The following KAZN variants were observed in gnomAD, a reference collection of about 807,000 sequenced individuals.
KAZN encodes kazrin.
Under a neutral mutation model 87.4 loss-of-function variants are expected in KAZN, and 40 were observed. The ratio of observed to expected loss-of-function variants is 0.46; its 90% CI spans 0.36 to 0.60. The LOEUF is 0.60. Ranked by LOEUF, KAZN falls within the 20% of genes least tolerant of loss-of-function variation. KAZN has a pLI of 0.00. For missense variants in KAZN, 898 were observed against 1,073.9 expected, an observed-to-expected ratio of 0.84 and a Z score of 2.29; for synonymous variants, 466 against 458.3, an observed-to-expected ratio of 1.02 and a Z score of -0.22.
At chr1:14,726,880 A>G (rs543153908) in intron 1 of KAZN, among the ~76,000 whole-genome samples, 1 of 152,248 alleles carries the variant, frequency 6.6e-6, no homozygotes, top group South Asian at 2.1e-4. Flanking sequence ...GAGAACCTGT[A>G]TTAACTCACT....
chr1:14,141,813 C>A (rs193041781), intron 1 of KAZN, among the ~76,000 whole-genome samples: 1 of 152,302 alleles, frequency 6.6e-6, no homozygotes, highest in East Asian at 1.9e-4. Context: ...GAGGTTACAT[C>A]TGTGCATGGA....
At chr1:14,887,032 A>G (rs902819020) in intron 1 of KAZN, among the ~76,000 whole-genome samples, 4 of 151,996 alleles carry the variant, frequency 2.6e-5, no homozygotes, top group Non-Finnish European at 5.9e-5. Context: ...TACCCCCACG[A>G]GTGTGGTTGT....
chr1:14,622,282 G>A (rs1177299783), intron 1 of KAZN, among the ~76,000 whole-genome samples: 1 of 152,194 alleles, frequency 6.6e-6, no homozygotes, highest in Non-Finnish European at 1.5e-5. Flanking sequence ...TAATTGGAAA[G>A]TATGGGTTTG....
At chr1:14,565,811 G>C (rs957956555) in intron 2 of KAZN, among the ~76,000 whole-genome samples, 2 of 152,090 alleles carry the variant, frequency 1.3e-5, no homozygotes, top group Admixed American at 6.5e-5. Flanking sequence ...ATTCAAATTT[G>C]ATCCTGAGAT....
intron 1 of KAZN, among the ~76,000 whole-genome samples, chr1:14,624,265 AC>A (rs1678930980): frequency 6.6e-6 from 1 of 152,174 alleles, no homozygotes; most frequent in African/African-American, 2.4e-5. Context: ...TACTAAAAAT[AC>A]AAAAAATTAG....
chr1:14,219,888 G>A (rs941337297), intron 2 of KAZN, among the ~76,000 whole-genome samples: 1 of 152,138 alleles, frequency 6.6e-6, no homozygotes, highest in African/African-American at 2.4e-5. Context: ...GTTCTAGTTT[G>A]CATCACTCAA....
intron 2 of KAZN, among the ~76,000 whole-genome samples, chr1:14,234,519 G>A (rs763729873): frequency 8.6e-5 from 13 of 152,020 alleles, no homozygotes; most frequent in South Asian, 6.2e-4. Flanking sequence ...AAACCTGCAC[G>A]TTCTGCACAT....
intron 1 of KAZN, among the ~76,000 whole-genome samples, chr1:14,643,768 T>G (rs1027290485): frequency 2.6e-5 from 4 of 152,178 alleles, no homozygotes; most frequent in Non-Finnish European, 4.4e-5. Flanking sequence ...GTTGAACTAA[T>G]TTTACACTCT....
chr1:14,206,486 C>T (rs1367460806), intron 2 of KAZN, among the ~76,000 whole-genome samples: 1 of 151,966 alleles, frequency 6.6e-6, no homozygotes, highest in Non-Finnish European at 1.5e-5. Context: ...TTTGTTGTAG[C>T]CTCCCTCTCT....
At chr1:14,424,221 G>A (rs1317369869) in intron 2 of KAZN, among the ~76,000 whole-genome samples, 1 of 152,172 alleles carries the variant, frequency 6.6e-6, no homozygotes, top group Non-Finnish European at 1.5e-5. Flanking sequence ...AAGATAAAAG[G>A]AGAAAATGAC....
intron 1 of KAZN, among the ~76,000 whole-genome samples, chr1:13,951,574 A>G (rs1276940598): frequency 6.6e-6 from 1 of 150,962 alleles, no homozygotes; most frequent in African/African-American, 2.4e-5. Context: ...GTCTTGCTGA[A>G]TATTTGGACA....
intron 2 of KAZN, among the ~76,000 whole-genome samples, chr1:15,027,175 G>A (rs1194645514): frequency 4.3e-5 from 6 of 140,684 alleles, no homozygotes; most frequent in Non-Finnish European, 6.1e-5. Flanking sequence ...TCCGCCTCCC[G>A]GGTTCACGCC....
chr1:14,386,812 G>C (rs1661947136), intron 2 of KAZN, among the ~76,000 whole-genome samples: 1 of 151,978 alleles, frequency 6.6e-6, no homozygotes, highest in African/African-American at 2.4e-5. Context: ...TCTTCTCAAG[G>C]AGTATCTTTG....
Position 14,709,012 on chromosome 1 carries a change from A to T in KAZN, c.226+109789A>T, listed in dbSNP as rs1289949119. Reference sequence around the variant, plus strand: ...CTAGGAGGTGCATGGTACCTGTTGGATGATGATGGTGATGACAAAGACAAT... The same window carrying T: ...CTAGGAGGTGCATGGTACCTGTTGGTTGATGATGGTGATGACAAAGACAAT... On this transcript the variant is annotated intron_variant, in intron 1 of 14. Coordinates refer to ENST00000376030, the MANE Select transcript of KAZN (RefSeq NM_201628.3). Among the ~76,000 whole-genome samples, 3 of 152,152 alleles carry T rather than the reference A, an allele frequency of 2.0e-5. No homozygotes were observed. In the South Asian group the frequency reaches 6.2e-4, roughly 32 times the overall value.
At chr1:14,104,597 C>G (rs948409691) in intron 1 of KAZN, among the ~76,000 whole-genome samples, 3 of 152,302 alleles carry the variant, frequency 2.0e-5, no homozygotes, top group Admixed American at 1.3e-4. Context: ...TGTGGCCAAC[C>G]TAGAACTTGA....
rs1641838447 is a variant in KAZN at position 14,700,081 on chromosome 1, AAAG to A, written c.226+100862_226+100864del. Among the ~76,000 whole-genome samples the A allele has an allele frequency of 3.3e-5, 5 of 152,320 alleles. 1 individual carries two copies. Among genetic ancestry groups the A allele is most frequent in the African/African-American group, 1.2e-4 (5 of 41,580 alleles). On this transcript the variant is annotated intron_variant, in intron 1 of 14. Transcript: ENST00000376030. ...GCAAGGGGCAGAAAGGGTTATGCTG[AAAG>A]AAGGCCAGATCACATAGGGCGTTAT... is the stretch of plus-strand genomic sequence containing the variant.
At chr1:13,987,702 T>G (rs545578731) in intron 1 of KAZN, among the ~76,000 whole-genome samples, 230 of 151,732 alleles carry the variant, frequency 1.5e-3, no homozygotes, top group African/African-American at 5.4e-3. Flanking sequence ...GAGGAACTCA[T>G]CCTTTAATAA....
At chr1:14,527,423 C>T (rs1671936055) in intron 2 of KAZN, among the ~76,000 whole-genome samples, 1 of 152,026 alleles carries the variant, frequency 6.6e-6, no homozygotes, top group Admixed American at 6.6e-5. Flanking sequence ...GTGGCGGGCA[C>T]CTGTAATCCC....
chr1:14,468,008 T>C (rs1359170449), intron 2 of KAZN, among the ~76,000 whole-genome samples: 4 of 152,182 alleles, frequency 2.6e-5, no homozygotes. Context: ...TAGCTTCTTC[T>C]GACCAATATG....
Sources: gnomAD v4.1 joint callset for allele counts (sites outside exome capture counted in the v4.1 genomes callset) on GRCh38, gnomAD v4.1.1 for gene constraint, MANE v1.5 for transcripts, NCBI Gene and HGNC (gene_info 2026-07-23, HGNC 2026-07-21) for gene names.